RABEP1: variants seen among roughly 807,000 people sequenced by gnomAD.
RABEP1 encodes rab GTPase-binding effector protein 1.
In RABEP1, 51 loss-of-function variants were observed where a neutral mutation model predicts 123.4. The observed-to-expected ratio is 0.41, with a 90% confidence interval of 0.33 to 0.52. The LOEUF is 0.52. Ranked by LOEUF, RABEP1 falls within the 20% of genes least tolerant of loss-of-function variation. The probability of loss-of-function intolerance (pLI) is 0.16; values close to 1 mark genes in which losing one functional copy is unlikely to be tolerated. For missense variants in RABEP1, 888 were observed against 996.3 expected, an observed-to-expected ratio of 0.89 and a Z score of 1.46; for synonymous variants, 347 against 355.2, an observed-to-expected ratio of 0.98 and a Z score of 0.26.
intron 12 of RABEP1, among the ~76,000 whole-genome samples, chr17:5,369,576 G>T (rs1481193619): frequency 6.6e-6 from 1 of 152,140 alleles, no homozygotes; most frequent in Admixed American, 6.5e-5. Flanking sequence ...ATAGTTTCAT[G>T]TGTTTTCTCT....
intron 4 of RABEP1, 100 bp from the exon 5 acceptor site, chr17:5,337,919 A>G (rs1182261117): frequency 3.0e-6 from 4 of 1,323,056 alleles, no homozygotes; most frequent in South Asian, 1.7e-5. Context: ...TGTCTGGTCA[A>G]GTTACTTGTT....
At chr17:5,332,198 A>G (rs749695914) in intron 3 of RABEP1, 46 bp downstream of exon 3, 47 of 1,517,674 alleles carry the variant, frequency 3.1e-5, no homozygotes, top group Non-Finnish European at 4.0e-5. Flanking sequence ...AAGATATCCG[A>G]TTCTGATGAT....
At chr17:5,340,782 A>T (rs770624432) in intron 5 of RABEP1, among the ~76,000 whole-genome samples, 2 of 151,948 alleles carry the variant, frequency 1.3e-5, no homozygotes, top group African/African-American at 4.8e-5. Flanking sequence ...CCCCATCTCT[A>T]CTAAAAATGC....
chr17:5,330,066 G>A (rs1906382290), intron 2 of RABEP1, among the ~76,000 whole-genome samples: 2 of 152,076 alleles, frequency 1.3e-5, no homozygotes, highest in Non-Finnish European at 2.9e-5. Flanking sequence ...TAAAATTGTA[G>A]TACCCAAAAA....
intron 1 of RABEP1, among the ~76,000 whole-genome samples, chr17:5,301,913 A>G (rs2075138282): frequency 6.6e-6 from 1 of 152,188 alleles, no homozygotes; most frequent in Admixed American, 6.5e-5. Context: ...TGGGATAACA[A>G]TAACAGTATG....
At chr17:5,338,660 T>TTA (rs1907311981) in intron 5 of RABEP1, among the ~76,000 whole-genome samples, 1 of 152,222 alleles carries the variant, frequency 6.6e-6, no homozygotes, top group South Asian at 2.1e-4. Context: ...TGATGTTTTA[T>TTA]CACAAGTGGC....
At chr17:5,353,835 T>C (rs1908774735) in intron 7 of RABEP1, among the ~76,000 whole-genome samples, 1 of 151,952 alleles carries the variant, frequency 6.6e-6, no homozygotes, top group African/African-American at 2.4e-5. Flanking sequence ...AATAAAAAAA[T>C]TAGGCGGGCG....
At chr17:5,368,246 G>C in intron 11 of RABEP1, 124 bp from the exon 12 acceptor site, 2 of 672,470 alleles carry the variant, frequency 3.0e-6, no homozygotes, top group Non-Finnish European at 5.1e-6. Flanking sequence ...GTTGGATGAT[G>C]GTCAGTGGTT....
chr17:5,287,957 G>A (rs574382944), intron 1 of RABEP1, among the ~76,000 whole-genome samples: 3 of 152,036 alleles, frequency 2.0e-5, no homozygotes, highest in Non-Finnish European at 4.4e-5. Context: ...GGAGTAATAG[G>A]GAGGTATGAA....
At chr17:5,374,093 G>C (rs1410823902) in intron 13 of RABEP1, among the ~76,000 whole-genome samples, 1 of 152,168 alleles carries the variant, frequency 6.6e-6, no homozygotes, top group Admixed American at 6.5e-5. Context: ...TTTTGAGACA[G>C]ATAATATCTG....
intron 5 of RABEP1, among the ~76,000 whole-genome samples, chr17:5,346,452 A>G (rs1908071488): frequency 6.6e-6 from 1 of 152,162 alleles, no homozygotes; most frequent in African/African-American, 2.4e-5. Context: ...AGCAAAACAT[A>G]CCTGGTGTTA....
chr17:5,307,002 T>C (rs762501129), intron 1 of RABEP1, among the ~76,000 whole-genome samples: 3 of 152,144 alleles, frequency 2.0e-5, no homozygotes, highest in African/African-American at 4.8e-5. Flanking sequence ...GGAATACATA[T>C]CTGCATAGAA....
chr17:5,307,621 A>T lies in RABEP1; in HGVS notation c.35-1073A>T, dbSNP rs368394105. On this transcript the variant is annotated intron_variant, in intron 1 of 17. Coordinates refer to ENST00000537505, the MANE Select transcript of RABEP1 (RefSeq NM_004703.6). ...TTATGGTCATAGCTTTAAGGCTGGG[A>T]TGCTGTTGGGGCAAAAGGGGAGATC... is the stretch of plus-strand genomic sequence containing the variant. Among the ~76,000 whole-genome samples, 11 of 152,264 alleles carry T rather than the reference A, an allele frequency of 7.2e-5. 1 individual carries two copies. In the South Asian group the frequency reaches 1.0e-3, roughly 14 times the overall value.
At chr17:5,318,380 T>C (rs1281649345) in intron 2 of RABEP1, among the ~76,000 whole-genome samples, 1 of 152,184 alleles carries the variant, frequency 6.6e-6, no homozygotes, top group East Asian at 1.9e-4. Context: ...ATGTGAATTA[T>C]ATCTCAATGA....
Position 5,384,041 on chromosome 17 carries a change from G to A in RABEP1, c.*818G>A. 4.6e-6 allele frequency: 1 copy of A among 217,854 alleles called. No individual in the cohort carries two copies. Among genetic ancestry groups the A allele is most frequent in the Non-Finnish European group, 9.2e-6 (1 of 108,380 alleles). 13.5% of individuals were successfully genotyped at this position (217,854 alleles called of 1,614,324 possible). ...TTTGAAGTGTTTTAGTCTAGTTATT[G>A]GATCAGTGAAAAACATTAGTATACG... On this transcript the variant is annotated 3_prime_UTR_variant, in exon 18 of 18. Transcript: ENST00000537505.
At position 5,383,274 on chromosome 17, in the gene RABEP1, T is replaced by C; in HGVS notation, c.*51T>C. 2.9e-6 allele frequency: 4 copies of C among 1,358,784 alleles called. No homozygotes were observed. The highest frequency in any genetic ancestry group is 1.2e-5 in the South Asian group (1 of 85,424). 84.2% of individuals were successfully genotyped at this position (1,358,784 alleles called of 1,614,324 possible). A position where few individuals can be genotyped will look rare whatever the true frequency, so the allele number is the denominator to read the frequency against. On this transcript the variant is annotated 3_prime_UTR_variant, in exon 18 of 18. Coordinates refer to ENST00000537505, the MANE Select transcript of RABEP1 (RefSeq NM_004703.6). ...GCACTTTGGGTTTTTAACTCATCTT[T>C]AGAGCAACAGTAATTATTATTTAAC... is the stretch of plus-strand genomic sequence containing the variant.
chr17:5,332,596 ATTTTTTTT>A (rs553120401), intron 3 of RABEP1, among the ~76,000 whole-genome samples: 4 of 105,916 alleles, frequency 3.8e-5, no homozygotes, highest in Admixed American at 2.0e-4. Context: ...ACGTTTTAGA[ATTTTTTTT>A]TTTTTTTTTT....
At chr17:5,310,096 C>T (rs2585266) in intron 2 of RABEP1, among the ~76,000 whole-genome samples, 8,472 of 152,224 alleles carry the variant, frequency 0.056, 339 homozygotes, top group Non-Finnish European at 0.087. Context: ...ATTCCAGTTA[C>T]TGCTAGTTCA....
At chr17:5,343,737 A>T (rs1288564823) in intron 5 of RABEP1, among the ~76,000 whole-genome samples, 1 of 126,602 alleles carries the variant, frequency 7.9e-6, no homozygotes, top group Non-Finnish European at 1.5e-5. Flanking sequence ...GTGTAGTGGC[A>T]TGATCTTGGC....
Sources: gnomAD v4.1 joint callset for allele counts (sites outside exome capture counted in the v4.1 genomes callset) on GRCh38, gnomAD v4.1.1 for gene constraint, MANE v1.5 for transcripts, NCBI Gene and HGNC (gene_info 2026-07-23, HGNC 2026-07-21) for gene names.